The following CSMD1 variants were observed in gnomAD, a reference collection of about 807,000 sequenced individuals.
The protein encoded by CSMD1 is CUB and Sushi multiple domains 1.
A neutral mutation model predicts 417.5 loss-of-function variants in CSMD1; 213 were observed. The ratio of observed to expected loss-of-function variants is 0.51; its 90% CI spans 0.46 to 0.57. The LOEUF is 0.57. Ranked by LOEUF, CSMD1 falls within the 20% of genes least tolerant of loss-of-function variation. CSMD1 has a pLI of 0.00. For missense variants in CSMD1, 6,923 were observed against 4,529.7 expected (o/e 1.53, Z -15.17); for synonymous variants, 2,862 against 1,736.8 (o/e 1.65, Z -16.11).
chr8:4,498,059 T>A (rs1290858281), intron 2 of CSMD1, among the ~76,000 whole-genome samples: 1 of 152,134 alleles, frequency 6.6e-6, no homozygotes, highest in African/African-American at 2.4e-5. Context: ...CCTCCATGTG[T>A]GTGAGATACC....
At chr8:3,882,995 C>T (rs182830092) in intron 5 of CSMD1, among the ~76,000 whole-genome samples, 11 of 152,254 alleles carry the variant, frequency 7.2e-5, no homozygotes, top group Non-Finnish European at 1.5e-4. Context: ...CTGATATGTG[C>T]ACACTTCTGC....
At chr8:3,362,294 G>C (rs34353713) in intron 20 of CSMD1, among the ~76,000 whole-genome samples, 35,545 of 151,992 alleles carry the variant, frequency 0.23, 4,249 homozygotes, top group African/African-American at 0.28. Context: ...TCCCTTCCAA[G>C]ACTGTCTTCC....
intron 10 of CSMD1, among the ~76,000 whole-genome samples, chr8:3,518,550 C>T (rs1236909619): frequency 1.3e-5 from 2 of 152,084 alleles, no homozygotes; most frequent in Non-Finnish European, 2.9e-5. Flanking sequence ...AAGTAAAATG[C>T]AGTATCTATG....
At chr8:3,157,052 A>G (rs940684258) in intron 39 of CSMD1, among the ~76,000 whole-genome samples, 4 of 151,142 alleles carry the variant, frequency 2.6e-5, no homozygotes, top group African/African-American at 7.3e-5. Flanking sequence ...TAGATCCAGG[A>G]GAACAACAAT....
At chr8:3,375,775 A>T (rs571475708) in intron 18 of CSMD1, among the ~76,000 whole-genome samples, 91 of 152,208 alleles carry the variant, frequency 6.0e-4, no homozygotes, top group African/African-American at 2.1e-3. Flanking sequence ...CTGCAGCATG[A>T]ATCTCTGCCT....
chr8:3,708,181 C>G (rs1801286348), intron 7 of CSMD1, among the ~76,000 whole-genome samples: 4 of 152,184 alleles, frequency 2.6e-5, no homozygotes, highest in South Asian at 4.1e-4. Flanking sequence ...CAGTCTCAGA[C>G]AGTGATCAGG....
intron 14 of CSMD1, 115 bp from the exon 15 acceptor site, chr8:3,406,336 A>G (rs1347265712): frequency 6.4e-6 from 5 of 778,604 alleles, no homozygotes. Flanking sequence ...GTATATAATT[A>G]TATAAATTTC....
chr8:2,982,366 C>A (rs1270006962), intron 54 of CSMD1, among the ~76,000 whole-genome samples: 3 of 151,880 alleles, frequency 2.0e-5, no homozygotes, highest in Non-Finnish European at 4.4e-5. Flanking sequence ...AAAAAACAAA[C>A]AAACAAACGA....
chr8:4,242,025 T>G (rs1184089923), intron 3 of CSMD1, among the ~76,000 whole-genome samples: 2 of 152,200 alleles, frequency 1.3e-5, no homozygotes, highest in Non-Finnish European at 2.9e-5. Context: ...GCCCCTTGTT[T>G]TAATACCTTT....
chr8:4,186,779 G>C (rs944563131), intron 3 of CSMD1, among the ~76,000 whole-genome samples: 2 of 151,462 alleles, frequency 1.3e-5, no homozygotes, highest in Non-Finnish European at 2.9e-5. Flanking sequence ...TTGAGGTCAG[G>C]AGTTCAAGAC....
chr8:3,764,121 A>C (rs1798144898), intron 5 of CSMD1, among the ~76,000 whole-genome samples: 1 of 152,112 alleles, frequency 6.6e-6, no homozygotes, highest in Admixed American at 6.5e-5. Flanking sequence ...GAGGCGACCA[A>C]AGCAGGGCTC....
At chr8:3,620,370 A>C (rs1432538212) in intron 7 of CSMD1, among the ~76,000 whole-genome samples, 2 of 152,122 alleles carry the variant, frequency 1.3e-5, no homozygotes, top group Non-Finnish European at 2.9e-5. Context: ...TAAATACATG[A>C]AAATATATAT....
At chr8:3,989,549 G>C (rs976590582) in intron 5 of CSMD1, among the ~76,000 whole-genome samples, 1 of 152,150 alleles carries the variant, frequency 6.6e-6, no homozygotes, top group East Asian at 1.9e-4. Context: ...TATTTATGAT[G>C]CAGTTCCTTT....
At chr8:3,122,571 C>T (rs1817268497) in intron 41 of CSMD1, among the ~76,000 whole-genome samples, 1 of 152,070 alleles carries the variant, frequency 6.6e-6, no homozygotes, top group South Asian at 2.1e-4. Context: ...TGGGAGGGAC[C>T]CAGGGGAGGT....
At chr8:3,464,799 A>C (rs150925955) in intron 12 of CSMD1, among the ~76,000 whole-genome samples, 1 of 152,030 alleles carries the variant, frequency 6.6e-6, no homozygotes, top group South Asian at 2.1e-4. Context: ...TTTTGAACAG[A>C]TTATTTTTAA....
At chr8:4,665,501 C>G (rs1374915214) in intron 1 of CSMD1, among the ~76,000 whole-genome samples, 1 of 152,208 alleles carries the variant, frequency 6.6e-6, no homozygotes, top group Non-Finnish European at 1.5e-5. Context: ...GATCCTCTTG[C>G]TCCTCTGTGG....
chr8:4,888,504 TGAGAGAGA>T (rs147909163), intron 1 of CSMD1, among the ~76,000 whole-genome samples: 7 of 145,232 alleles, frequency 4.8e-5, no homozygotes, highest in South Asian at 2.2e-4. Context: ...GACTGATAGA[TGAGAGAGA>T]GAGAGAGAGA....
At chr8:3,441,710 C>A (rs970207668) in intron 12 of CSMD1, among the ~76,000 whole-genome samples, 7 of 152,058 alleles carry the variant, frequency 4.6e-5, no homozygotes, top group Non-Finnish European at 7.4e-5. Context: ...GTGCTGCCAG[C>A]CATGTGAAAG....
At chr8:3,128,979 G>A (rs1333872290) in intron 41 of CSMD1, 4 of 414,202 alleles carry the variant, frequency 9.7e-6, no homozygotes, top group Admixed American at 3.1e-5. Context: ...AACAATACTA[G>A]CATGGAGTTA....
Sources: gnomAD v4.1 joint callset for allele counts (sites outside exome capture counted in the v4.1 genomes callset) on GRCh38, gnomAD v4.1.1 for gene constraint, MANE v1.5 for transcripts, NCBI Gene and HGNC (gene_info 2026-07-23, HGNC 2026-07-21) for gene names.